Variants in ESRRG observed in about 807,000 individuals in gnomAD.
ESRRG encodes estrogen related receptor gamma.
A neutral mutation model predicts 44.0 loss-of-function variants in ESRRG; 13 were observed. That is an observed-to-expected ratio of 0.30 (90% CI 0.19 to 0.47). The LOEUF is 0.47. Among genes scored for constraint, ESRRG ranks in the 20% least tolerant of loss-of-function variants. The pLI, the probability that ESRRG is intolerant of heterozygous loss-of-function variation, is 1.00. For missense variants in ESRRG, 395 were observed against 580.6 expected (o/e 0.68, Z 3.29); for synonymous variants, 215 against 214.6 (o/e 1.00, Z -0.02).
At chr1:217,084,231 CTGAT>C (rs1315808024) in intron 1 of ESRRG, among the ~76,000 whole-genome samples, 1 of 151,398 alleles carries the variant, frequency 6.6e-6, no homozygotes, top group African/African-American at 2.4e-5. Flanking sequence ...AATGTAAAAA[CTGAT>C]TGCCTCCTTA....
intron 2 of ESRRG, among the ~76,000 whole-genome samples, chr1:216,753,416 C>G (rs185246612): frequency 3.6e-4 from 54 of 152,044 alleles, no homozygotes; most frequent in Non-Finnish European, 6.2e-4. Flanking sequence ...TGAGACATGG[C>G]AAGAGAAAAC....
intron 2 of ESRRG, among the ~76,000 whole-genome samples, chr1:216,775,397 CGTGA>C (rs2093564896): frequency 6.6e-6 from 1 of 151,910 alleles, no homozygotes; most frequent in Non-Finnish European, 1.5e-5. Flanking sequence ...TATGAAATGA[CGTGA>C]CTGTTCAATA....
chr1:216,810,454 C>CA (rs1455433306), intron 2 of ESRRG, among the ~76,000 whole-genome samples: 2 of 151,462 alleles, frequency 1.3e-5, no homozygotes, highest in African/African-American at 4.9e-5. Context: ...AGACAGTACA[C>CA]AAGGGGAGGA....
chr1:217,022,501 C>A (rs1333735497), intron 1 of ESRRG, among the ~76,000 whole-genome samples: 1 of 152,136 alleles, frequency 6.6e-6, no homozygotes, highest in Non-Finnish European at 1.5e-5. Flanking sequence ...CTAAGACTTC[C>A]CAAATTTACT....
chr1:216,970,733 C>T (rs2071461867), intron 1 of ESRRG, among the ~76,000 whole-genome samples: 1 of 152,070 alleles, frequency 6.6e-6, no homozygotes, highest in South Asian at 2.1e-4. Flanking sequence ...AAGGACTATC[C>T]CCCTTTGAAG....
At chr1:216,889,366 T>C (rs188752281) in intron 2 of ESRRG, among the ~76,000 whole-genome samples, 6 of 152,280 alleles carry the variant, frequency 3.9e-5, no homozygotes, top group Admixed American at 2.6e-4. Context: ...CAGCAGGCTT[T>C]TTTGCAGAAA....
chr1:216,760,980 T>C (rs1204668433), intron 2 of ESRRG, among the ~76,000 whole-genome samples: 1 of 152,016 alleles, frequency 6.6e-6, no homozygotes, highest in African/African-American at 2.4e-5. Flanking sequence ...AGTCTCTCGT[T>C]TGCTCAGTCT....
At chr1:216,721,315 T>C (rs902530604) in intron 1 of ESRRG, among the ~76,000 whole-genome samples, 1 of 152,252 alleles carries the variant, frequency 6.6e-6, no homozygotes, top group Admixed American at 6.5e-5. Context: ...ACACACGTGA[T>C]GGGGTTTAAC....
At chr1:216,637,117 T>G (rs2065445756) in intron 3 of ESRRG, among the ~76,000 whole-genome samples, 1 of 152,016 alleles carries the variant, frequency 6.6e-6, no homozygotes, top group South Asian at 2.1e-4. Flanking sequence ...GAAAATGAAA[T>G]AATCAGACAG....
At chr1:216,562,073 C>T (rs2058854639) in intron 5 of ESRRG, among the ~76,000 whole-genome samples, 1 of 152,174 alleles carries the variant, frequency 6.6e-6, no homozygotes, top group African/African-American at 2.4e-5. Context: ...ACATATTTAT[C>T]ACTCACTTTC....
intron 2 of ESRRG, among the ~76,000 whole-genome samples, chr1:216,910,524 C>T: frequency 6.6e-6 from 1 of 152,174 alleles, no homozygotes; most frequent in Non-Finnish European, 1.5e-5. Flanking sequence ...TCATAAAAGC[C>T]TTGACCTTAC....
chr1:216,733,347 C>T (rs1462829100), intron 2 of ESRRG, among the ~76,000 whole-genome samples: 2 of 151,772 alleles, frequency 1.3e-5, no homozygotes, highest in Non-Finnish European at 1.5e-5. Flanking sequence ...GTTGCTTTCC[C>T]TATTAGCAAA....
intron 2 of ESRRG, among the ~76,000 whole-genome samples, chr1:216,766,673 C>T (rs1300396262): frequency 2.6e-5 from 4 of 152,064 alleles, no homozygotes; most frequent in African/African-American, 9.7e-5. Context: ...ACAAATGCTT[C>T]ACTACCTATC....
rs532388546 is a variant in ESRRG at position 216,510,746 on chromosome 1, G to A, written c.1133-3563C>T. On this transcript the variant is annotated intron_variant, in intron 6 of 6. Coordinates refer to ENST00000408911, the MANE Select transcript of ESRRG (RefSeq NM_001438.4). ...TAAAAATACAAAAAATTAGCCGGGC[G>A]TAGTGGTGGGCGCCTGCAGTCCCAG... Among the ~76,000 whole-genome samples the A allele has an allele frequency of 3.3e-5, 5 of 152,166 alleles. No individual in the cohort carries two copies. In the South Asian group the frequency reaches 6.3e-4, roughly 19 times the overall value.
At chr1:217,052,173 G>GTA (rs1187952893) in intron 1 of ESRRG, among the ~76,000 whole-genome samples, 1 of 152,190 alleles carries the variant, frequency 6.6e-6, no homozygotes, top group Non-Finnish European at 1.5e-5. Flanking sequence ...ATTTCAAGAT[G>GTA]TAGAGGAAGA....
At chr1:216,884,077 C>A (rs545198070) in intron 2 of ESRRG, among the ~76,000 whole-genome samples, 2 of 152,260 alleles carry the variant, frequency 1.3e-5, no homozygotes, top group Admixed American at 1.3e-4. Context: ...CTATGTTCTC[C>A]TAAAGTTTTA....
intron 2 of ESRRG, among the ~76,000 whole-genome samples, chr1:216,770,727 A>G (rs17043753): frequency 1.3e-3 from 195 of 152,246 alleles, no homozygotes; most frequent in African/African-American, 4.5e-3. Context: ...AAAATACTTG[A>G]TTCATTGTTG....
intron 1 of ESRRG, among the ~76,000 whole-genome samples, chr1:217,039,545 C>T (rs1405762246): frequency 6.6e-6 from 1 of 152,072 alleles, no homozygotes; most frequent in African/African-American, 2.4e-5. Flanking sequence ...CTCGTGAGAC[C>T]CACTCACTAT....
intron 2 of ESRRG, among the ~76,000 whole-genome samples, chr1:216,803,970 C>A (rs1444828039): frequency 2.6e-5 from 4 of 151,990 alleles, no homozygotes; most frequent in African/African-American, 9.7e-5. Flanking sequence ...ACAGGTTAAT[C>A]TGCCAGTACC....
Sources: allele counts gnomAD v4.1 joint callset (sites outside exome capture counted in the v4.1 genomes callset), GRCh38; gene constraint gnomAD v4.1.1; transcripts MANE v1.5; gene names NCBI Gene and HGNC (gene_info 2026-07-23, HGNC 2026-07-21).